ACCSL: variants seen among roughly 807,000 people sequenced by gnomAD.
ACCSL encodes probable inactive 1-aminocyclopropane-1-carboxylate synthase-like protein 2.
In ACCSL, 55 loss-of-function variants were observed where a neutral mutation model predicts 61.7. That is an observed-to-expected ratio of 0.89 (90% CI 0.72 to 1.12). The LOEUF (loss-of-function observed/expected upper bound fraction) is 1.12, where lower values mean the gene tolerates loss of function less well. Ranked by LOEUF, ACCSL falls within the 50% of genes most tolerant of loss-of-function variation. ACCSL has a pLI of 0.00. For missense variants in ACCSL, 632 were observed against 698.0 expected (o/e 0.91, Z 1.07); for synonymous variants, 258 against 264.3 (o/e 0.98, Z 0.23).
the ACCSL span, chr11:43,944,755 A>C: frequency 6.6e-6 from 1 of 152,554 alleles, no homozygotes; most frequent in Admixed American, 6.5e-5. Context: ...CTGGTTTAGC[A>C]GTGTGGCAGG....
the ACCSL span, among the ~76,000 whole-genome samples, chr11:44,035,538 G>T: frequency 6.6e-6 from 1 of 152,250 alleles, no homozygotes; most frequent in East Asian, 1.9e-4. Context: ...TGGGCTTAAG[G>T]GAGAAAGAAG....
the ACCSL span, among the ~76,000 whole-genome samples, chr11:43,979,404 T>C: frequency 2.0e-5 from 3 of 152,328 alleles, 1 homozygote; most frequent in East Asian, 5.8e-4. Flanking sequence ...TAGTGGCATT[T>C]GCATGGAGCT....
At chr11:44,056,410 G>A in intron 11 of ACCSL, 84 bp downstream of exon 11, 1 of 1,489,894 alleles carries the variant, frequency 6.7e-7, no homozygotes, top group Non-Finnish European at 9.0e-7. Context: ...CCTCTGATGT[G>A]CCCTTAATAT....
the ACCSL span, among the ~76,000 whole-genome samples, chr11:43,992,982 G>A: frequency 6.6e-6 from 1 of 152,310 alleles, no homozygotes; most frequent in East Asian, 1.9e-4. Flanking sequence ...GGCAGAAAGC[G>A]AAAGTGAGAA....
chr11:43,969,699 C>T, the ACCSL span, among the ~76,000 whole-genome samples: 2 of 152,244 alleles, frequency 1.3e-5, no homozygotes, highest in African/African-American at 4.8e-5. Context: ...ACCTCCTGCC[C>T]ACACCCCAGC....
At chr11:44,000,610 C>T in the ACCSL span, among the ~76,000 whole-genome samples, 5 of 143,366 alleles carry the variant, frequency 3.5e-5, no homozygotes, top group South Asian at 2.3e-4. Flanking sequence ...ATAGTGAATG[C>T]GCCCAGCCCC....
At chr11:43,929,707 G>A in the ACCSL span, among the ~76,000 whole-genome samples, 4 of 152,086 alleles carry the variant, frequency 2.6e-5, no homozygotes, top group African/African-American at 4.8e-5. Context: ...ATGCCCGACC[G>A]CTAATTTTTA....
the ACCSL span, among the ~76,000 whole-genome samples, chr11:43,990,722 C>T: frequency 6.5e-4 from 99 of 152,240 alleles, 1 homozygote; most frequent in African/African-American, 1.9e-3. Flanking sequence ...CTCCTTTAGC[C>T]GCTCCTGGTG....
the ACCSL span, among the ~76,000 whole-genome samples, chr11:44,040,284 T>A: frequency 6.8e-4 from 103 of 152,302 alleles, 1 homozygote; most frequent in African/African-American, 2.4e-3. Context: ...CTTGATAAAG[T>A]ACGTAGGCCC....
At chr11:44,049,523 A>T (rs1337051232) in intron 1 of ACCSL, among the ~76,000 whole-genome samples, 3 of 151,166 alleles carry the variant, frequency 2.0e-5, no homozygotes, top group Non-Finnish European at 4.4e-5. Flanking sequence ...CTCCAGCCAG[A>T]GGGTGGAGGG....
At chr11:43,991,749 G>A in the ACCSL span, among the ~76,000 whole-genome samples, 2 of 152,152 alleles carry the variant, frequency 1.3e-5, no homozygotes, top group African/African-American at 4.8e-5. Context: ...AGCTGAGATT[G>A]CACCACTGCA....
At chr11:44,019,802 C>T in the ACCSL span, among the ~76,000 whole-genome samples, 2 of 152,244 alleles carry the variant, frequency 1.3e-5, no homozygotes, top group East Asian at 3.9e-4. Flanking sequence ...ACTTTCAGTG[C>T]CATATCTAAG....
At chr11:43,940,237 C>T in the ACCSL span, among the ~76,000 whole-genome samples, 9 of 152,250 alleles carry the variant, frequency 5.9e-5, no homozygotes, top group African/African-American at 2.2e-4. Context: ...ACCTTGGCTT[C>T]CCAAAGTGTT....
chr11:44,052,473 T>C (rs1952645333), intron 5 of ACCSL, among the ~76,000 whole-genome samples, 189 bp from the exon 6 acceptor site: 2 of 152,248 alleles, frequency 1.3e-5, no homozygotes, highest in South Asian at 4.1e-4. Context: ...AGAGTTTTGT[T>C]TCCCCCAGTG....
chr11:43,962,502 C>G, the ACCSL span, among the ~76,000 whole-genome samples: 2 of 152,168 alleles, frequency 1.3e-5, no homozygotes, highest in Admixed American at 1.3e-4. Flanking sequence ...CTTCTGTAAC[C>G]CAAACAGCAG....
At chr11:43,968,313 C>T in the ACCSL span, among the ~76,000 whole-genome samples, 2 of 151,970 alleles carry the variant, frequency 1.3e-5, no homozygotes, top group Non-Finnish European at 1.5e-5. Context: ...TATTCAGCAT[C>T]CCCCTGAGCC....
At chr11:43,923,161 A>G in the ACCSL span, among the ~76,000 whole-genome samples, 2 of 152,182 alleles carry the variant, frequency 1.3e-5, no homozygotes, top group African/African-American at 2.4e-5. Flanking sequence ...TGTCATTGCA[A>G]TGCTGAAAGA....
chr11:44,013,573 G>T, the ACCSL span, among the ~76,000 whole-genome samples: 1 of 152,204 alleles, frequency 6.6e-6, no homozygotes, highest in African/African-American at 2.4e-5. Context: ...GATTACAGGC[G>T]CGAGCCACCA....
the ACCSL span, among the ~76,000 whole-genome samples, chr11:44,036,795 A>AT: frequency 6.6e-6 from 1 of 151,862 alleles, no homozygotes; most frequent in African/African-American, 2.4e-5. Flanking sequence ...AAAAAAAAAA[A>AT]AAAAAGATTC....
Sources: gnomAD v4.1 joint callset for allele counts (sites outside exome capture counted in the v4.1 genomes callset) on GRCh38, gnomAD v4.1.1 for gene constraint, MANE v1.5 for transcripts, NCBI Gene and HGNC (gene_info 2026-07-23, HGNC 2026-07-21) for gene names.